OR56A3: variants seen among roughly 807,000 people sequenced by gnomAD.
OR56A3 encodes olfactory receptor 56A3.
Under a neutral mutation model 17.5 loss-of-function variants are expected in OR56A3, and 23 were observed. The observed-to-expected ratio is 1.32, with a 90% CI of 0.95 to 1.87. The LOEUF (loss-of-function observed/expected upper bound fraction) is 1.87. OR56A3 is among the 40% of genes most tolerant of loss of function. The pLI is 0.00. For missense variants in OR56A3, 366 were observed against 380.1 expected (o/e 0.96, Z 0.31); for synonymous variants, 175 against 150.6 (o/e 1.16, Z -1.19).
the OR56A3 span, among the ~76,000 whole-genome samples, chr11:5,961,720 C>G: frequency 1.4e-5 from 2 of 146,808 alleles, no homozygotes; most frequent in Admixed American, 1.4e-4. Flanking sequence ...TCCCCCTCTC[C>G]GAGAAACACC....
chr11:5,978,560 T>C, the OR56A3 span, among the ~76,000 whole-genome samples: 1 of 152,124 alleles, frequency 6.6e-6, no homozygotes, highest in African/African-American at 2.4e-5. Context: ...TTGTAATTGA[T>C]TTTGTGTCCT....
rs1360962372 is a variant in OR56A3 at position 5,947,970 on chromosome 11, G to T, written c.624G>T (p.Trp208Cys). The change falls in exon 3 of 3, where the codon TGG becomes TGT. Residue 208 changes from tryptophan (W) to cysteine (C), a missense_variant. Trp to Cys is a radical substitution (Grantham distance 215). Coordinates refer to ENST00000641160, the MANE Select transcript of OR56A3 (RefSeq NM_001003443.3). ...ACCTTTACCAATTTGCTGGAGGCTG[G>T]ACTCTGCTAGGATCTGACCTCATCC... ...INHLYQFAGG[W>C]TLLGSDLILI... 6.2e-7 allele frequency: 1 copy of T among 1,614,172 alleles called. No homozygotes were observed. Among genetic ancestry groups the T allele is most frequent in the Non-Finnish European group, 8.5e-7 (1 of 1,180,040 alleles).
At chr11:5,951,943 G>T (rs577668491), downstream of OR56A3, among the ~76,000 whole-genome samples, 7 of 152,232 alleles carry the variant, frequency 4.6e-5, no homozygotes, top group East Asian at 1.4e-3. Flanking sequence ...GATTTGAGAT[G>T]AAGGACGGAA....
chr11:6,016,967 C>T, the OR56A3 span: 2 of 151,980 alleles, frequency 1.3e-5, no homozygotes, highest in African/African-American at 2.4e-5. Flanking sequence ...ATAATTCAGT[C>T]AGACCAAAAA....
the OR56A3 span, among the ~76,000 whole-genome samples, chr11:5,991,857 C>A: frequency 6.6e-6 from 1 of 152,170 alleles, no homozygotes; most frequent in Non-Finnish European, 1.5e-5. Flanking sequence ...TACCAATTGG[C>A]AGGTCCCAGA....
chr11:6,016,789 C>T, the OR56A3 span, among the ~76,000 whole-genome samples: 1 of 147,200 alleles, frequency 6.8e-6, no homozygotes, highest in Non-Finnish European at 1.5e-5. Context: ...AATTCAGAAT[C>T]TAAATGAGAA....
the OR56A3 span, among the ~76,000 whole-genome samples, chr11:5,961,168 G>A: frequency 1.3e-5 from 2 of 151,868 alleles, no homozygotes; most frequent in East Asian, 3.9e-4. Flanking sequence ...CCCAGTCTGG[G>A]AGGTGGGGGG....
At chr11:5,962,787 C>A in the OR56A3 span, among the ~76,000 whole-genome samples, 1 of 152,052 alleles carries the variant, frequency 6.6e-6, no homozygotes, top group East Asian at 1.9e-4. Context: ...ATTCACCCGC[C>A]TCGGCCTCCC....
At chr11:5,963,304 G>GT in the OR56A3 span, among the ~76,000 whole-genome samples, 2 of 152,010 alleles carry the variant, frequency 1.3e-5, no homozygotes, top group South Asian at 4.1e-4. Context: ...CTTTATTCAT[G>GT]TATGTGTTTA....
At chr11:5,968,337 T>G in the OR56A3 span, 1 of 1,613,412 alleles carries the variant, frequency 6.2e-7, no homozygotes, top group Admixed American at 1.7e-5. Flanking sequence ...GGCTTCCAGA[T>G]AGATGGTGAT....
the OR56A3 span, chr11:6,002,120 G>T: frequency 2.5e-6 from 4 of 1,613,684 alleles, no homozygotes; most frequent in Non-Finnish European, 3.4e-6. Context: ...AAACAATGGG[G>T]TTCAGAGCTG....
chr11:5,985,459 A>G, the OR56A3 span, among the ~76,000 whole-genome samples: 2 of 152,244 alleles, frequency 1.3e-5, no homozygotes, highest in African/African-American at 4.8e-5. Flanking sequence ...CTGTTTTCTT[A>G]CACTGCGACC....
the OR56A3 span, chr11:6,021,642 T>C: frequency 2.0e-5 from 3 of 151,624 alleles, no homozygotes; most frequent in African/African-American, 7.3e-5. Flanking sequence ...GCCTGCTTCA[T>C]TTAGGATAAT....
chr11:5,960,904 G>T, the OR56A3 span, among the ~76,000 whole-genome samples: 38,556 of 150,780 alleles, frequency 0.26, 4,890 homozygotes, highest in Non-Finnish European at 0.27. Context: ...GAGTGCCTCT[G>T]CCCGGCCGTG....
the OR56A3 span, chr11:5,986,727 C>G: frequency 6.2e-7 from 1 of 1,613,874 alleles, no homozygotes; most frequent in Non-Finnish European, 8.5e-7. Context: ...ATGGGTCCAT[C>G]CAGATGATGA....
chr11:5,961,510 G>A, the OR56A3 span, among the ~76,000 whole-genome samples: 43,597 of 151,882 alleles, frequency 0.29, 6,497 homozygotes, highest in East Asian at 0.47. Flanking sequence ...GATTAAGGGC[G>A]GTGCAAGATG....
At chr11:6,003,036 C>T in the OR56A3 span, 4 of 1,613,956 alleles carry the variant, frequency 2.5e-6, no homozygotes, top group Non-Finnish European at 8.5e-7. Context: ...TACCTTAAAA[C>T]GTAGTAGAGA....
the OR56A3 span, among the ~76,000 whole-genome samples, chr11:5,966,155 G>A: frequency 6.8e-6 from 1 of 147,176 alleles, no homozygotes; most frequent in Admixed American, 6.9e-5. Context: ...TGGATCGCTT[G>A]AGCCCAGGAG....
chr11:5,997,089 G>A, the OR56A3 span, among the ~76,000 whole-genome samples: 1 of 152,176 alleles, frequency 6.6e-6, no homozygotes, highest in Non-Finnish European at 1.5e-5. Context: ...GTCTACAGCT[G>A]TCATAGACAA....
Sources: allele counts gnomAD v4.1 joint callset (sites outside exome capture counted in the v4.1 genomes callset), GRCh38; gene constraint gnomAD v4.1.1; transcripts MANE v1.5; gene names NCBI Gene and HGNC (gene_info 2026-07-23, HGNC 2026-07-21).